The following ABCA6 variants were observed in gnomAD, a reference collection of about 807,000 sequenced individuals.
ABCA6 encodes ATP binding cassette subfamily A member 6.
Under a neutral mutation model 191.2 loss-of-function variants are expected in ABCA6, and 164 were observed. The ratio of observed to expected loss-of-function variants is 0.86; its 90% confidence interval spans 0.76 to 0.98. The LOEUF (loss-of-function observed/expected upper bound fraction) is 0.98, where lower values mean the gene tolerates loss of function less well. ABCA6 is among the 50% of genes least tolerant of loss of function. The probability of loss-of-function intolerance (pLI) is 0.00; values close to 1 mark genes in which losing one functional copy is unlikely to be tolerated. For missense variants in ABCA6, 1,958 were observed against 1,894.1 expected (o/e 1.03, Z -0.63); for synonymous variants, 636 against 647.7 (o/e 0.98, Z 0.27).
rs943544972 is a variant in ABCA6 at position 69,091,005 on chromosome 17, C to T, written c.3528+138G>A. On this transcript the variant is annotated intron_variant, in intron 26 of 38. Coordinates refer to ENST00000284425, the MANE Select transcript of ABCA6 (RefSeq NM_080284.3). Reference sequence around the variant, plus strand: ...CCACGATTCCCCTTTTGAACATTTTCATCATCCCCCCAAAATCTCTTATGC... The same window carrying T: ...CCACGATTCCCCTTTTGAACATTTTTATCATCCCCCCAAAATCTCTTATGC... 4.9e-6 allele frequency: 4 copies of T among 818,538 alleles called. No homozygotes were observed. In the Admixed American group the frequency reaches 1.3e-4, roughly 27 times the overall value. The allele number at this position is 818,538 out of a possible 1,614,324, so 50.7% of individuals were successfully genotyped here.
chr17:69,112,546 CACAGAA>C (rs1215465317), intron 15 of ABCA6: 6 of 310,860 alleles, frequency 1.9e-5, no homozygotes, highest in Admixed American at 4.6e-5. Flanking sequence ...AGTGAAACAA[CACAGAA>C]ACAGAAAGTC....
intron 8 of ABCA6, among the ~76,000 whole-genome samples, chr17:69,127,527 C>T (rs1359250025): frequency 2.0e-5 from 3 of 152,016 alleles, no homozygotes; most frequent in Non-Finnish European, 2.9e-5. Context: ...AGGCATTAAA[C>T]GTCATCAATA....
chr17:69,097,914 T>TCTTACCTTG lies in ABCA6; in HGVS notation c.3117_3120+5dup. On this transcript the variant is annotated splice_donor_region_variant and intron_variant, in intron 23 of 38. Coordinates refer to ENST00000284425, the MANE Select transcript of ABCA6 (RefSeq NM_080284.3). ...GAAATTTCTTCTTTTCCCTGCTTTT[T>TCTTACCTTG]CTTACCTTGTAATCACTGATGCTGC... The TCTTACCTTG allele has an allele frequency of 6.4e-7, 1 of 1,568,602 alleles. No individual in the cohort carries two copies. The highest frequency in any genetic ancestry group is 8.6e-7 in the Non-Finnish European group (1 of 1,162,354).
chr17:69,096,846 TTAAAATGCAAATC>T (rs770548302), intron 23 of ABCA6, 45 bp from the exon 24 acceptor site: 1 of 1,410,872 alleles, frequency 7.1e-7, no homozygotes, highest in South Asian at 1.5e-5. Flanking sequence ...ATAGATTCAA[TTAAAATGCAAATC>T]TAAAATAAAC....
chr17:69,122,750 T>C (rs2073672905), intron 10 of ABCA6, among the ~76,000 whole-genome samples: 1 of 151,854 alleles, frequency 6.6e-6, no homozygotes, highest in Admixed American at 6.6e-5. Context: ...AGATGAAGTG[T>C]GGCTGGATAA....
intron 27 of ABCA6, 109 bp downstream of exon 27, chr17:69,089,356 G>C (rs2072875592): frequency 2.0e-6 from 2 of 1,014,600 alleles, no homozygotes; most frequent in Non-Finnish European, 3.0e-6. Flanking sequence ...CTTTATCTAA[G>C]ATCATATAAA....
chr17:69,085,850 A>G, intron 30 of ABCA6, 134 bp from the exon 31 acceptor site: 1 of 616,080 alleles, frequency 1.6e-6, no homozygotes, highest in Non-Finnish European at 2.9e-6. Flanking sequence ...CATATATGTA[A>G]TCCACGTCAC....
At chr17:69,129,781 AT>A in intron 6 of ABCA6, 30 bp from the exon 7 acceptor site, 4 of 1,494,650 alleles carry the variant, frequency 2.7e-6, no homozygotes, top group Non-Finnish European at 3.6e-6. Flanking sequence ...TATATAAATT[AT>A]GTTAACTTAT....
chr17:69,083,407 G>T (rs563807073), intron 34 of ABCA6, 76 bp from the exon 35 acceptor site: 1 of 1,436,284 alleles, frequency 7.0e-7, no homozygotes, highest in East Asian at 2.4e-5. Flanking sequence ...TACAATATAT[G>T]AATCATATTC....
At chr17:69,079,322 A>AT in intron 37 of ABCA6, 57 bp from the exon 38 acceptor site, 2 of 1,399,846 alleles carry the variant, frequency 1.4e-6, no homozygotes, top group Non-Finnish European at 9.8e-7. Context: ...ATTACCAAGA[A>AT]TTTTTTCAAA....
chr17:69,095,735 G>A (rs1216013861), intron 25 of ABCA6, among the ~76,000 whole-genome samples: 2 of 152,084 alleles, frequency 1.3e-5, no homozygotes. Context: ...TGAAGTGTAG[G>A]ACTCAGGGCA....
At chr17:69,137,972 C>G (rs532934835) in intron 2 of ABCA6, among the ~76,000 whole-genome samples, 30 of 152,192 alleles carry the variant, frequency 2.0e-4, no homozygotes, top group Non-Finnish European at 4.0e-4. Context: ...ATCATTACCT[C>G]TTTGGCACCA....
intron 7 of ABCA6, 86 bp downstream of exon 7, chr17:69,129,524 T>C (rs1351985578): frequency 8.7e-7 from 1 of 1,145,958 alleles, no homozygotes; most frequent in Non-Finnish European, 1.2e-6. Flanking sequence ...AAAGTAGTGA[T>C]TGCAGTAACC....
rs752878292 is a variant in ABCA6 at position 69,129,687 on chromosome 17, T to C, written c.856A>G (p.Ile286Val). 4 of 1,605,134 alleles carry C rather than the reference T, an allele frequency of 2.5e-6. No individual in the cohort carries two copies. Among genetic ancestry groups the C allele is most frequent in the East Asian group, 4.5e-5 (2 of 44,734 alleles). ...FIISIFVTII[I>V]TFTQIIVMTG... is the part of the protein sequence containing the mutation. ...ATGACTATAATTTGGGTGAATGTTA[T>C]GATAATTGTAACGAATATGGAAATA... Residue 286 changes from isoleucine (I) to valine (V), a missense_variant, in exon 7 of 39, where the codon ATA becomes GTA. By Grantham distance (29) the Ile-to-Val change is conservative. Transcript: ENST00000284425.
rs879051356 is a variant in ABCA6 at position 69,140,582 on chromosome 17, G to T, written c.96+26C>A. 2.0e-6 allele frequency: 3 copies of T among 1,508,778 alleles called. No individual in the cohort carries two copies. The South Asian group carries it at 3.6e-5, about 18-fold the overall frequency. 93.5% of individuals were successfully genotyped at this position (1,508,778 alleles called of 1,614,324 possible). The stretch of plus-strand genomic sequence containing the variant: ...GAAACACTGTAAGAGTGCTAACCGT[G>T]GAAAGAGACAAATTTTTAAACATAC... On this transcript the variant is annotated intron_variant, in intron 2 of 38. Coordinates refer to ENST00000284425, the MANE Select transcript of ABCA6 (RefSeq NM_080284.3).
In ABCA6 at chr17:69,083,021, C is replaced by T; in HGVS notation, c.4476-8G>A. On this transcript the variant is annotated splice_polypyrimidine_tract_variant and splice_region_variant and intron_variant, in intron 35 of 38. Coordinates refer to ENST00000284425, the MANE Select transcript of ABCA6 (RefSeq NM_080284.3). ...TGGATGGAGCCAATGCATCTATGGG[C>T]AAGAAAGAGAATATGTTGGAAAAAA... The T allele has an allele frequency of 6.2e-7, 1 of 1,612,436 alleles. No individual in the cohort carries two copies. The highest frequency in any genetic ancestry group is 8.5e-7 in the Non-Finnish European group (1 of 1,179,514).
intron 11 of ABCA6, 143 bp from the exon 12 acceptor site, chr17:69,115,629 C>G (rs1465708212): frequency 2.0e-6 from 1 of 493,610 alleles, no homozygotes; most frequent in African/African-American, 2.0e-5. Flanking sequence ...ACACAATGAT[C>G]AATATTTTCC....
At position 69,085,673 on chromosome 17, in the gene ABCA6, A is replaced by ACTTTTT; in HGVS notation, c.3975_3980dup (p.Lys1326_Ser1327insArgLys). ...TCCCAGATATCATTCTAATAGATGA[A>ACTTTTT]CTTTTTCCAGCACCATTGGGTCCTA... On this transcript the variant is annotated inframe_insertion, in exon 31 of 39. Coordinates refer to ENST00000284425, the MANE Select transcript of ABCA6 (RefSeq NM_080284.3). The ACTTTTT allele has an allele frequency of 1.2e-6, 2 of 1,612,696 alleles. No homozygotes were observed. The highest frequency in any genetic ancestry group is 1.7e-6 in the Non-Finnish European group (2 of 1,179,228).
At chr17:69,130,834 G>A (rs1224177648) in intron 6 of ABCA6, among the ~76,000 whole-genome samples, 1 of 152,060 alleles carries the variant, frequency 6.6e-6, no homozygotes, top group Non-Finnish European at 1.5e-5. Context: ...AGTCTCTTTC[G>A]TAGTAGAAAA....
Sources: gnomAD v4.1 joint callset for allele counts (sites outside exome capture counted in the v4.1 genomes callset) on GRCh38, gnomAD v4.1.1 for gene constraint, MANE v1.5 for transcripts, NCBI Gene and HGNC (gene_info 2026-07-23, HGNC 2026-07-21) for gene names.